Variants in BPNT1 observed in about 807,000 individuals in gnomAD.
BPNT1 encodes the protein 3'(2'), 5'-bisphosphate nucleotidase 1.
Under a neutral mutation model 36.9 loss-of-function variants are expected in BPNT1, and 28 were observed. The observed-to-expected ratio is 0.76, with a 90% CI of 0.56 to 1.04. The LOEUF (loss-of-function observed/expected upper bound fraction) is 1.04. BPNT1 is among the 50% of genes least tolerant of loss of function. The probability of loss-of-function intolerance (pLI) is 0.00; values close to 1 mark genes in which losing one functional copy is unlikely to be tolerated. For synonymous variants in BPNT1, 119 were observed against 130.9 expected (o/e 0.91, Z 0.62); for missense variants, 313 against 372.9 (o/e 0.84, Z 1.32).
chr1:220,084,351 A>G (rs1164392171), intron 1 of BPNT1, among the ~76,000 whole-genome samples: 1 of 151,890 alleles, frequency 6.6e-6, no homozygotes, highest in Non-Finnish European at 1.5e-5. Context: ...AAAGAAAAAG[A>G]AAAAGAAAAG....
At chr1:220,061,406 C>T (rs1038792444) in intron 7 of BPNT1, among the ~76,000 whole-genome samples, 12 of 151,784 alleles carry the variant, frequency 7.9e-5, no homozygotes, top group Admixed American at 2.0e-4. Flanking sequence ...TGGTGGCAGG[C>T]GCCTGTAATC....
At chr1:220,077,164 T>C (rs1292221328) in intron 2 of BPNT1, among the ~76,000 whole-genome samples, 7 of 152,126 alleles carry the variant, frequency 4.6e-5, no homozygotes, top group African/African-American at 1.7e-4. Context: ...GAATTTAAAT[T>C]TGTGGATAAT....
At position 220,058,904 on chromosome 1, in the gene BPNT1, C is replaced by T. The variant is rs780921156; in HGVS notation, c.867G>A (p.Arg289=). The T allele has an allele frequency of 6.2e-7, 1 of 1,614,012 alleles. No individual in the cohort carries two copies. Among genetic ancestry groups the T allele is most frequent in the Non-Finnish European group, 8.5e-7 (1 of 1,179,942 alleles). Residue 289 remains arginine, a synonymous_variant, in exon 9 of 9, where the codon AGG becomes AGA. Coordinates refer to ENST00000322067, the MANE Select transcript of BPNT1 (RefSeq NM_006085.6). ...MNSAGVLATL[R]NYDYYASRVP... is the part of the protein sequence containing the mutation. ...CTCGGCTTGCATAGTAGTCATAATT[C>T]CTCAGTGTGGCCAGGACTCCTGCAG... is the stretch of plus-strand genomic sequence containing the variant.
intron 5 of BPNT1, among the ~76,000 whole-genome samples, chr1:220,069,178 G>C (rs1663817380): frequency 6.6e-6 from 1 of 152,164 alleles, no homozygotes; most frequent in Admixed American, 6.5e-5. Flanking sequence ...GAGTATGTGG[G>C]GGGTGGTATT....
At chr1:220,077,017 T>C (rs1233887974) in intron 2 of BPNT1, among the ~76,000 whole-genome samples, 1 of 152,208 alleles carries the variant, frequency 6.6e-6, no homozygotes, top group African/African-American at 2.4e-5. Context: ...TTCTATATCA[T>C]CTTCCACTTC....
At chr1:220,081,473 G>A (rs555080199) in intron 1 of BPNT1, among the ~76,000 whole-genome samples, 3 of 152,062 alleles carry the variant, frequency 2.0e-5, no homozygotes, top group Admixed American at 1.3e-4. Context: ...AACCTGGGAC[G>A]CAGAGGCTGC....
At chr1:220,085,115 CA>C (rs763331480) in intron 1 of BPNT1, among the ~76,000 whole-genome samples, 1 of 150,902 alleles carries the variant, frequency 6.6e-6, no homozygotes, top group Non-Finnish European at 1.5e-5. Context: ...ATTATCAAAA[CA>C]AAAAATCTAT....
Position 220,059,794 on chromosome 1 carries a change from G to C in BPNT1, c.673-3C>G. On this transcript the variant is annotated splice_polypyrimidine_tract_variant and splice_region_variant and intron_variant, in intron 7 of 8. Transcript: ENST00000322067. Reference sequence around the variant, plus strand: ...TTGCCTTCAATCAGCTGAATAATCTGTAAGGGTAAAAATAAGAATTATCCT... The same window carrying C: ...TTGCCTTCAATCAGCTGAATAATCTCTAAGGGTAAAAATAAGAATTATCCT... The C allele has an allele frequency of 6.4e-7, 1 of 1,573,448 alleles. No individual in the cohort carries two copies. Among genetic ancestry groups the C allele is most frequent in the African/African-American group, 1.4e-5 (1 of 73,210 alleles).
At chr1:220,083,276 C>T (rs1655383446) in intron 1 of BPNT1, among the ~76,000 whole-genome samples, 1 of 151,078 alleles carries the variant, frequency 6.6e-6, no homozygotes, top group South Asian at 2.1e-4. Flanking sequence ...TAATGAATAC[C>T]GTACTGTGAC....
intron 5 of BPNT1, among the ~76,000 whole-genome samples, 155 bp downstream of exon 5, chr1:220,069,229 G>A (rs1329026371): frequency 2.6e-5 from 4 of 152,154 alleles, no homozygotes; most frequent in Non-Finnish European, 5.9e-5. Context: ...AACAATCAAC[G>A]ATGTATGATA....
intron 1 of BPNT1, among the ~76,000 whole-genome samples, chr1:220,082,743 C>T (rs1004957788): frequency 2.0e-5 from 3 of 151,584 alleles, no homozygotes; most frequent in Admixed American, 6.6e-5. Flanking sequence ...ACTGACACCA[C>T]GCCCAGCTAA....
rs886469274 is a variant in BPNT1 at position 220,058,168 on chromosome 1, T to C, written c.*676A>G. ...TCTAGCCTAGGCTACAGAGCGAGACTCCGTCTCAGGAAAAAAAAAGAGAAA... is the reference window on the plus strand; with the variant it reads ...TCTAGCCTAGGCTACAGAGCGAGACCCCGTCTCAGGAAAAAAAAAGAGAAA... On this transcript the variant is annotated 3_prime_UTR_variant, in exon 9 of 9. Coordinates refer to ENST00000322067, the MANE Select transcript of BPNT1 (RefSeq NM_006085.6). 1.0e-6 allele frequency: 1 copy of C among 979,338 alleles called. No homozygotes were observed. The highest frequency in any genetic ancestry group is 1.7e-5 in the African/African-American group (1 of 57,304). The allele number at this position is 979,338 out of a possible 1,614,324, so 60.7% of individuals were successfully genotyped here.
chr1:220,064,931 C>T (rs1222182411), intron 6 of BPNT1, among the ~76,000 whole-genome samples: 1 of 152,114 alleles, frequency 6.6e-6, no homozygotes, highest in Non-Finnish European at 1.5e-5. Flanking sequence ...CCTCAGCCTC[C>T]TGAGTAGCTG....
At chr1:220,082,353 G>A (rs557299724) in intron 1 of BPNT1, among the ~76,000 whole-genome samples, 388 of 151,428 alleles carry the variant, frequency 2.6e-3, no homozygotes, top group African/African-American at 8.9e-3. Context: ...GCTAATTTTT[G>A]TATTTTTAGT....
intron 6 of BPNT1, among the ~76,000 whole-genome samples, chr1:220,063,962 C>G (rs1333835531): frequency 6.6e-6 from 1 of 152,042 alleles, no homozygotes; most frequent in Non-Finnish European, 1.5e-5. Flanking sequence ...GCAAAGTCAT[C>G]AAAATACAAT....
rs1308769933 is a variant in BPNT1 at position 220,063,075 on chromosome 1, G to A, written c.475-121C>T. On this transcript the variant is annotated intron_variant, in intron 6 of 8. Transcript: ENST00000322067. ...AAAAATAAAAACATGATAGCCGGGC[G>A]CGGTGGCTCATGCCTGTAATCCCAG... 2.0e-5 allele frequency: 22 copies of A among 1,102,272 alleles called. No individual in the cohort carries two copies. The East Asian group carries it at 3.7e-4, about 18-fold the overall frequency. 68.3% of individuals were successfully genotyped at this position (1,102,272 alleles called of 1,614,324 possible).
intron 2 of BPNT1, among the ~76,000 whole-genome samples, chr1:220,076,892 T>G (rs2102719473): frequency 6.6e-6 from 1 of 152,270 alleles, no homozygotes; most frequent in East Asian, 1.9e-4. Context: ...TATATCCTGT[T>G]GGATTTGGTC....
At chr1:220,088,948 A>G (rs1265752119) in intron 1 of BPNT1, among the ~76,000 whole-genome samples, 1 of 151,116 alleles carries the variant, frequency 6.6e-6, no homozygotes, top group Non-Finnish European at 1.5e-5. Flanking sequence ...AAATACAAAA[A>G]AAATTAGCCA....
chr1:220,066,077 G>T, intron 6 of BPNT1: 1 of 1,521,324 alleles, frequency 6.6e-7, no homozygotes, highest in Non-Finnish European at 8.8e-7. Context: ...TCTCACCTTT[G>T]CTTCATTCCT....
Sources: allele counts gnomAD v4.1 joint callset (sites outside exome capture counted in the v4.1 genomes callset), GRCh38; gene constraint gnomAD v4.1.1; transcripts MANE v1.5; gene names NCBI Gene and HGNC (gene_info 2026-07-23, HGNC 2026-07-21).